Variants in PDE4D observed in about 807,000 individuals in gnomAD.
The protein encoded by PDE4D is phosphodiesterase 4D.
PDE4D carries 24 observed loss-of-function variants against 87.4 expected under a neutral mutation model. The ratio of observed to expected loss-of-function variants is 0.27; its 90% CI spans 0.20 to 0.39. PDE4D has a LOEUF of 0.39. Ranked by LOEUF, PDE4D falls within the 10% of genes least tolerant of loss-of-function variation. The pLI is 1.00. For missense variants in PDE4D, 714 were observed against 1,041.0 expected (o/e 0.69, Z 4.32); for synonymous variants, 384 against 383.2 (o/e 1.00, Z -0.02).
chr5:59,956,192 A>G (rs1758811622), intron 3 of PDE4D, among the ~76,000 whole-genome samples: 1 of 152,176 alleles, frequency 6.6e-6, no homozygotes, highest in African/African-American at 2.4e-5. Context: ...TCAACAGGAC[A>G]CTGACTTCTA....
At chr5:60,074,015 T>C (rs1267847907) in intron 2 of PDE4D, among the ~76,000 whole-genome samples, 1 of 152,144 alleles carries the variant, frequency 6.6e-6, no homozygotes, top group Non-Finnish European at 1.5e-5. Context: ...TTTTCATGTC[T>C]CAATTTCCTT....
intron 1 of PDE4D, among the ~76,000 whole-genome samples, chr5:60,346,138 C>T (rs1461727839): frequency 2.6e-5 from 4 of 152,050 alleles, no homozygotes; most frequent in East Asian, 1.9e-4. Flanking sequence ...AGTTTGTAAT[C>T]GATTTTGAAT....
intron 2 of PDE4D, among the ~76,000 whole-genome samples, chr5:59,207,818 T>C (rs1165055759): frequency 6.6e-6 from 1 of 152,060 alleles, no homozygotes; most frequent in African/African-American, 2.4e-5. Context: ...CTCTTTCTCT[T>C]TTATACAGGA....
At chr5:60,044,537 C>T (rs1306965299) in intron 2 of PDE4D, among the ~76,000 whole-genome samples, 4 of 151,910 alleles carry the variant, frequency 2.6e-5, no homozygotes, top group Admixed American at 6.6e-5. Flanking sequence ...ACAATAGTCC[C>T]CAGAGTGTGA....
At chr5:59,377,414 T>A in intron 1 of PDE4D, among the ~76,000 whole-genome samples, 1 of 128,520 alleles carries the variant, frequency 7.8e-6, no homozygotes, top group African/African-American at 3.0e-5. Context: ...GAGACACCCA[T>A]CTCAAAAAAA....
chr5:60,226,547 AT>A (rs1318335783), intron 1 of PDE4D, among the ~76,000 whole-genome samples: 1 of 152,108 alleles, frequency 6.6e-6, no homozygotes, highest in Non-Finnish European at 1.5e-5. Flanking sequence ...CAGACATTTA[AT>A]TTTTTATTTG....
chr5:59,217,718 T>G (rs1751564943), intron 1 of PDE4D, among the ~76,000 whole-genome samples: 1 of 152,182 alleles, frequency 6.6e-6, no homozygotes, highest in Non-Finnish European at 1.5e-5. Flanking sequence ...GTTCCTAAAG[T>G]CCTTCCAGCT....
chr5:59,496,303 G>A (rs1290332917), intron 1 of PDE4D, among the ~76,000 whole-genome samples: 1 of 152,130 alleles, frequency 6.6e-6, no homozygotes, highest in East Asian at 1.9e-4. Flanking sequence ...CTACCCGCTA[G>A]GGTCTTGGGG....
At chr5:59,456,465 C>T (rs1408299545) in intron 1 of PDE4D, among the ~76,000 whole-genome samples, 1 of 152,146 alleles carries the variant, frequency 6.6e-6, no homozygotes, top group Non-Finnish European at 1.5e-5. Flanking sequence ...GTCCATTAAA[C>T]CTCTTTTTCT....
chr5:59,389,565 A>G (rs1158652502), intron 1 of PDE4D, among the ~76,000 whole-genome samples: 1 of 152,102 alleles, frequency 6.6e-6, no homozygotes, highest in Non-Finnish European at 1.5e-5. Context: ...TAAAAATAAA[A>G]CTATCATATG....
At chr5:60,048,872 T>C (rs1454576972) in intron 2 of PDE4D, among the ~76,000 whole-genome samples, 5 of 152,202 alleles carry the variant, frequency 3.3e-5, no homozygotes, top group African/African-American at 1.2e-4. Flanking sequence ...AGGAGTATCT[T>C]TTTGGCATTC....
At chr5:60,089,859 CA>C (rs113152852) in intron 2 of PDE4D, among the ~76,000 whole-genome samples, 118 of 139,204 alleles carry the variant, frequency 8.5e-4, no homozygotes, top group East Asian at 5.8e-3. Flanking sequence ...TACAGAAATA[CA>C]AAAAAAAAAG....
chr5:59,161,970 C>T (rs1781178721), intron 5 of PDE4D, among the ~76,000 whole-genome samples: 1 of 152,170 alleles, frequency 6.6e-6, no homozygotes, highest in South Asian at 2.1e-4. Flanking sequence ...GGATCTGTCA[C>T]ATGGATGAAT....
At chr5:59,719,569 A>G (rs907624423) in intron 1 of PDE4D, among the ~76,000 whole-genome samples, 1 of 152,196 alleles carries the variant, frequency 6.6e-6, no homozygotes, top group Non-Finnish European at 1.5e-5. Flanking sequence ...CTGAGCTGGT[A>G]CTACTACCTG....
chr5:60,277,856 C>G (rs913008153), intron 1 of PDE4D, among the ~76,000 whole-genome samples: 1 of 152,056 alleles, frequency 6.6e-6, no homozygotes, highest in Non-Finnish European at 1.5e-5. Context: ...CCTCTTTGAA[C>G]GTCCCTTTAA....
At chr5:59,413,485 A>T (rs1793071999) in intron 1 of PDE4D, among the ~76,000 whole-genome samples, 1 of 149,982 alleles carries the variant, frequency 6.7e-6, no homozygotes, top group African/African-American at 2.5e-5. Context: ...AAAAAAAGAA[A>T]TGCCATGGTT....
chr5:59,024,178 C>T (rs1330896036), intron 6 of PDE4D, among the ~76,000 whole-genome samples: 1 of 148,554 alleles, frequency 6.7e-6, no homozygotes, highest in Non-Finnish European at 1.5e-5. Flanking sequence ...AGGTGTGAGC[C>T]ACCATGCCCA....
intron 1 of PDE4D, among the ~76,000 whole-genome samples, chr5:59,786,565 T>C (rs1324399227): frequency 6.6e-6 from 1 of 152,218 alleles, no homozygotes; most frequent in African/African-American, 2.4e-5. Flanking sequence ...TTCTGCTACC[T>C]GCCTGTGGCA....
At chr5:59,604,901 T>C (rs1827985482) in intron 1 of PDE4D, among the ~76,000 whole-genome samples, 1 of 152,026 alleles carries the variant, frequency 6.6e-6, no homozygotes, top group South Asian at 2.1e-4. Flanking sequence ...ACAATTACAT[T>C]TGTAAGAGTT....
Sources: allele counts gnomAD v4.1 joint callset (sites outside exome capture counted in the v4.1 genomes callset), GRCh38; gene constraint gnomAD v4.1.1; transcripts MANE v1.5; gene names NCBI Gene and HGNC (gene_info 2026-07-23, HGNC 2026-07-21).